Variants in CLDN10 observed in about 807,000 individuals in gnomAD.
CLDN10 encodes claudin-10.
CLDN10 carries 15 observed loss-of-function variants against 22.9 expected under a neutral mutation model. That is an observed-to-expected ratio of 0.65 (90% CI 0.44 to 1.01). The LOEUF (loss-of-function observed/expected upper bound fraction) is 1.01, where lower values mean the gene tolerates loss of function less well. Among genes scored for constraint, CLDN10 ranks in the 50% least tolerant of loss-of-function variants. The probability of loss-of-function intolerance (pLI) is 0.00; values close to 1 mark genes in which losing one functional copy is unlikely to be tolerated. For missense variants in CLDN10, 247 were observed against 287.8 expected (o/e 0.86, Z 1.03); for synonymous variants, 114 against 111.4 (o/e 1.02, Z -0.15).
At chr13:95,471,511 G>A (rs1169782753) in intron 1 of CLDN10, among the ~76,000 whole-genome samples, 2 of 146,470 alleles carry the variant, frequency 1.4e-5, no homozygotes, top group Non-Finnish European at 3.0e-5. Context: ...GGAGGGCAGT[G>A]GTGTGATCTT....
At chr13:95,508,725 G>A (rs1042978820) in intron 1 of CLDN10, among the ~76,000 whole-genome samples, 4 of 152,222 alleles carry the variant, frequency 2.6e-5, no homozygotes, top group African/African-American at 9.6e-5. Context: ...CCTTTTCGAG[G>A]TGATTGTTAA....
intron 1 of CLDN10, among the ~76,000 whole-genome samples, chr13:95,510,906 T>G (rs2043089950): frequency 6.6e-6 from 1 of 152,146 alleles, no homozygotes; most frequent in Admixed American, 6.6e-5. Context: ...GTGAGACAAG[T>G]TATTCAGGCC....
At chr13:95,439,427 CAG>C (rs1372934286) in intron 1 of CLDN10, among the ~76,000 whole-genome samples, 1 of 151,882 alleles carries the variant, frequency 6.6e-6, no homozygotes, top group African/African-American at 2.4e-5. Context: ...CTCTGCCTCC[CAG>C]GTTAAGCGAT....
chr13:95,540,900 G>C (rs1169504106), intron 1 of CLDN10, among the ~76,000 whole-genome samples: 1 of 152,200 alleles, frequency 6.6e-6, no homozygotes, highest in East Asian at 1.9e-4. Context: ...TTTGAGGTTT[G>C]GGTGTTCTGC....
chr13:95,578,079 C>CATCA lies in CLDN10; in HGVS notation c.*67_*70dup, dbSNP rs2043962859. On this transcript the variant is annotated 3_prime_UTR_variant, in exon 5 of 5. Coordinates refer to ENST00000299339, the MANE Select transcript of CLDN10 (RefSeq NM_006984.5). ...AAGCGAACTGTTCACAAAATGATCCCATCAAGGCCCTCCCATAATTAACAC... is the reference window on the plus strand; with the variant it reads ...AAGCGAACTGTTCACAAAATGATCCCATCAATCAAGGCCCTCCCATAATTAACAC... The CATCA allele has an allele frequency of 1.2e-6, 1 of 827,524 alleles. No homozygotes were observed. Among genetic ancestry groups the CATCA allele is most frequent in the Non-Finnish European group, 2.0e-6 (1 of 508,264 alleles). The allele number at this position is 827,524 out of a possible 1,614,324, so 51.3% of individuals were successfully genotyped here.
At chr13:95,567,011 T>G (rs2043796011) in intron 3 of CLDN10, among the ~76,000 whole-genome samples, 1 of 152,220 alleles carries the variant, frequency 6.6e-6, no homozygotes, top group Non-Finnish European at 1.5e-5. Context: ...CCCTGCTGTT[T>G]TGGTTACTGT....
chr13:95,471,671 C>T (rs1201521027), intron 1 of CLDN10, among the ~76,000 whole-genome samples: 1 of 151,878 alleles, frequency 6.6e-6, no homozygotes, highest in Non-Finnish European at 1.5e-5. Context: ...AGGCTGGCCT[C>T]GAACTCCTGA....
intron 1 of CLDN10, among the ~76,000 whole-genome samples, chr13:95,488,225 A>G (rs2042826780): frequency 6.8e-6 from 1 of 147,856 alleles, no homozygotes; most frequent in Admixed American, 6.8e-5. Flanking sequence ...CCTGGGTGAC[A>G]GAGTGAGACC....
At chr13:95,544,741 A>G (rs951049865) in intron 1 of CLDN10, among the ~76,000 whole-genome samples, 15 of 151,982 alleles carry the variant, frequency 9.9e-5, no homozygotes, top group African/African-American at 3.6e-4. Context: ...GCATAAATAT[A>G]TCTTTGAGGA....
At chr13:95,434,331 T>C (rs951587718) in intron 1 of CLDN10, among the ~76,000 whole-genome samples, 1 of 152,074 alleles carries the variant, frequency 6.6e-6, no homozygotes, top group Non-Finnish European at 1.5e-5. Context: ...TAAAAGTCAG[T>C]TTCAATTTGC....
chr13:95,540,666 T>C (rs1191309727), intron 1 of CLDN10, among the ~76,000 whole-genome samples: 6 of 152,060 alleles, frequency 3.9e-5, no homozygotes. Context: ...GACTGGGAAA[T>C]GAGAAGTGAT....
chr13:95,521,289 A>G (rs1166542735), intron 1 of CLDN10, among the ~76,000 whole-genome samples: 2 of 152,228 alleles, frequency 1.3e-5, no homozygotes, highest in South Asian at 2.1e-4. Flanking sequence ...TCAATGTTTT[A>G]TCAATAAGTA....
chr13:95,524,297 T>C (rs573269165), intron 1 of CLDN10, among the ~76,000 whole-genome samples: 2 of 152,322 alleles, frequency 1.3e-5, no homozygotes, highest in East Asian at 3.9e-4. Context: ...ACTCTGTTTT[T>C]CTATTTAATT....
intron 1 of CLDN10, among the ~76,000 whole-genome samples, chr13:95,523,794 G>A (rs1037252533): frequency 7.2e-5 from 11 of 152,014 alleles, no homozygotes; most frequent in African/African-American, 2.4e-4. Flanking sequence ...ACTTTGGCAC[G>A]CTTTATATTT....
At chr13:95,463,072 C>A (rs1219025539) in intron 1 of CLDN10, among the ~76,000 whole-genome samples, 1 of 151,850 alleles carries the variant, frequency 6.6e-6, no homozygotes, top group East Asian at 1.9e-4. Context: ...GTCGACAGGG[C>A]AAGCCCTCTA....
chr13:95,508,218 A>G (rs1484730263), intron 1 of CLDN10, among the ~76,000 whole-genome samples: 1 of 152,214 alleles, frequency 6.6e-6, no homozygotes, highest in Non-Finnish European at 1.5e-5. Context: ...TATGCCATTC[A>G]TTGCATTCCC....
At chr13:95,557,313 T>G (rs1412724946) in intron 1 of CLDN10, among the ~76,000 whole-genome samples, 1 of 152,202 alleles carries the variant, frequency 6.6e-6, no homozygotes, top group African/African-American at 2.4e-5. Context: ...TTGTAAGTTT[T>G]GCCCTCAGGA....
chr13:95,545,788 A>G (rs1479915921), intron 1 of CLDN10, among the ~76,000 whole-genome samples: 1 of 152,192 alleles, frequency 6.6e-6, no homozygotes, highest in Non-Finnish European at 1.5e-5. Context: ...AATGATACTC[A>G]CTGCAGAACG....
intron 1 of CLDN10, among the ~76,000 whole-genome samples, chr13:95,507,213 G>C (rs2043047261): frequency 6.6e-6 from 1 of 152,178 alleles, no homozygotes; most frequent in African/African-American, 2.4e-5. Flanking sequence ...ATCTTCAACA[G>C]ATAAACATTT....
Sources: allele counts gnomAD v4.1 joint callset (sites outside exome capture counted in the v4.1 genomes callset), GRCh38; gene constraint gnomAD v4.1.1; transcripts MANE v1.5; gene names NCBI Gene and HGNC (gene_info 2026-07-23, HGNC 2026-07-21).